PPP1R21: variants seen among roughly 807,000 people sequenced by gnomAD.
The protein encoded by PPP1R21 is protein phosphatase 1 regulatory subunit 21, also known as KLRAQ motif containing 1.
Under a neutral mutation model 112.8 loss-of-function variants are expected in PPP1R21, and 85 were observed. The ratio of observed to expected loss-of-function variants is 0.75; its 90% CI spans 0.63 to 0.90. PPP1R21 has a LOEUF of 0.90. Among genes scored for constraint, PPP1R21 ranks in the 40% least tolerant of loss-of-function variants. The pLI is 0.00. For missense variants in PPP1R21, 1,199 were observed against 901.5 expected (o/e 1.33, Z -4.23); for synonymous variants, 381 against 322.3 (o/e 1.18, Z -1.95).
At chr2:48,513,660 C>G (rs911973540) in intron 21 of PPP1R21, among the ~76,000 whole-genome samples, 3 of 152,160 alleles carry the variant, frequency 2.0e-5, no homozygotes, top group Admixed American at 6.6e-5. Context: ...ATTTACATTG[C>G]TATAGCATCA....
At chr2:48,462,440 T>C (rs1668016923) in intron 7 of PPP1R21, among the ~76,000 whole-genome samples, 1 of 152,114 alleles carries the variant, frequency 6.6e-6, no homozygotes, top group African/African-American at 2.4e-5. Flanking sequence ...GCTGGTGGCA[T>C]GGTGTGGGGA....
rs1670773141 is a variant in PPP1R21, at chr2:48,514,288, A to G, written c.2314-427A>G. ...TTTTTAATAGAGACGGGGTTTCACCATGTTAGCTGGGATGGTCTCGATCTC... is the reference window on the plus strand; with the variant it reads ...TTTTTAATAGAGACGGGGTTTCACCGTGTTAGCTGGGATGGTCTCGATCTC... On this transcript the variant is annotated intron_variant, in intron 21 of 21. Transcript: ENST00000294952. 2.0e-5 allele frequency among the ~76,000 whole-genome samples: 3 copies of G among 151,832 alleles called. No homozygotes were observed. In the South Asian group the frequency reaches 6.2e-4, roughly 32 times the overall value.
At chr2:48,454,926 G>A (rs1228800678) in intron 3 of PPP1R21, among the ~76,000 whole-genome samples, 185 bp downstream of exon 3, 1 of 152,074 alleles carries the variant, frequency 6.6e-6, no homozygotes, top group African/African-American at 2.4e-5. Context: ...TGCAACCTCT[G>A]CTCCCAGGCT....
intron 17 of PPP1R21, among the ~76,000 whole-genome samples, chr2:48,503,192 A>C (rs1171398525): frequency 6.6e-6 from 1 of 152,228 alleles, no homozygotes; most frequent in Non-Finnish European, 1.5e-5. Flanking sequence ...ATTTTTAAAC[A>C]TATATTTTAA....
intron 13 of PPP1R21, among the ~76,000 whole-genome samples, chr2:48,481,268 C>T (rs1175773097): frequency 5.3e-5 from 8 of 152,202 alleles, no homozygotes; most frequent in Admixed American, 3.9e-4. Context: ...GGACTACAGG[C>T]GTGAGCCACT....
intron 4 of PPP1R21, among the ~76,000 whole-genome samples, chr2:48,459,009 G>A (rs1326506628): frequency 2.0e-5 from 3 of 150,016 alleles, no homozygotes; most frequent in East Asian, 2.0e-4. Context: ...GGAGAATGGC[G>A]TGAACCCGGG....
chr2:48,507,337 G>C lies in PPP1R21; in HGVS notation c.2037G>C (p.Thr679=). The change falls in exon 19 of 22, where the codon ACG becomes ACC. Residue 679 remains threonine, a synonymous_variant. Transcript: ENST00000294952. ...NHYMARIVEL[T]SQLQLADSKS... ...ACATGGCAAGGATAGTGGAACTTAC[G>C]TCTCAGTTGCAGCTGGCTGACAGTA... 6.3e-7 allele frequency: 1 copy of C among 1,594,980 alleles called. No homozygotes were observed. Among genetic ancestry groups the C allele is most frequent in the Non-Finnish European group, 8.5e-7 (1 of 1,173,928 alleles).
chr2:48,450,181 A>G (rs1012253769), intron 1 of PPP1R21, among the ~76,000 whole-genome samples: 3 of 152,178 alleles, frequency 2.0e-5, no homozygotes, highest in African/African-American at 7.2e-5. Context: ...TTTCACTTAA[A>G]TGTAGCTTTG....
At chr2:48,467,009 A>G (rs1366608131) in intron 9 of PPP1R21, among the ~76,000 whole-genome samples, 2 of 152,178 alleles carry the variant, frequency 1.3e-5, no homozygotes, top group Non-Finnish European at 2.9e-5. Context: ...ATTGTCGGAA[A>G]AATTAATTTG....
intron 7 of PPP1R21, among the ~76,000 whole-genome samples, chr2:48,462,351 T>G (rs1263191248): frequency 6.6e-6 from 1 of 152,102 alleles, no homozygotes; most frequent in Non-Finnish European, 1.5e-5. Flanking sequence ...AAGGCAGAGA[T>G]AGATGTAGAA....
intron 3 of PPP1R21, among the ~76,000 whole-genome samples, chr2:48,457,238 T>C (rs1667768113): frequency 6.6e-6 from 1 of 152,234 alleles, no homozygotes; most frequent in Non-Finnish European, 1.5e-5. Context: ...CTAAGGACCC[T>C]GAATACATCG....
chr2:48,457,956 G>T (rs773716125), intron 3 of PPP1R21, 170 bp from the exon 4 acceptor site: 7 of 585,990 alleles, frequency 1.2e-5, no homozygotes, highest in Non-Finnish European at 2.3e-5. Context: ...GTTTCAACTT[G>T]TGTCACATAG....
chr2:48,459,299 G>A (rs1667876615), intron 4 of PPP1R21, among the ~76,000 whole-genome samples: 1 of 151,950 alleles, frequency 6.6e-6, no homozygotes, highest in African/African-American at 2.4e-5. Flanking sequence ...TCTAATTACA[G>A]GAAAGAGCTT....
At chr2:48,476,442 CT>C (rs1010576609) in intron 12 of PPP1R21, among the ~76,000 whole-genome samples, 1 of 152,136 alleles carries the variant, frequency 6.6e-6, no homozygotes, top group Non-Finnish European at 1.5e-5. Flanking sequence ...GTGGACATCT[CT>C]TTTCATTTCT....
At chr2:48,497,721 G>A (rs1034536948) in intron 16 of PPP1R21, among the ~76,000 whole-genome samples, 5 of 147,546 alleles carry the variant, frequency 3.4e-5, no homozygotes, top group Non-Finnish European at 7.4e-5. Flanking sequence ...GCGCTATCTC[G>A]GCTCACTGCA....
At chr2:48,471,881 T>C (rs577997375) in intron 11 of PPP1R21, among the ~76,000 whole-genome samples, 44 of 152,352 alleles carry the variant, frequency 2.9e-4, no homozygotes, top group African/African-American at 9.6e-4. Flanking sequence ...TTGATACTTT[T>C]GGTTTACAAC....
At chr2:48,450,133 C>G (rs1667411091) in intron 1 of PPP1R21, among the ~76,000 whole-genome samples, 1 of 152,170 alleles carries the variant, frequency 6.6e-6, no homozygotes, top group South Asian at 2.1e-4. Context: ...TTACCTCTTT[C>G]TCCAAAGGCA....
At chr2:48,450,774 G>T (rs775451469) in intron 1 of PPP1R21, among the ~76,000 whole-genome samples, 1 of 149,576 alleles carries the variant, frequency 6.7e-6, no homozygotes, top group East Asian at 1.9e-4. Flanking sequence ...TTTTGCCATT[G>T]ATTTTTTTTT....
chr2:48,481,782 C>A (rs1331137664), intron 13 of PPP1R21, among the ~76,000 whole-genome samples: 1 of 152,072 alleles, frequency 6.6e-6, no homozygotes, highest in Non-Finnish European at 1.5e-5. Flanking sequence ...ATTCTTAATA[C>A]GGTAATCTGA....
Sources: allele counts gnomAD v4.1 joint callset (sites outside exome capture counted in the v4.1 genomes callset), GRCh38; gene constraint gnomAD v4.1.1; transcripts MANE v1.5; gene names NCBI Gene and HGNC (gene_info 2026-07-23, HGNC 2026-07-21).